LRRC4C: variants seen among roughly 807,000 people sequenced by gnomAD.
LRRC4C encodes leucine rich repeat containing 4C, also known as leucine-rich repeat-containing protein 4C.
Under a neutral mutation model 33.6 loss-of-function variants are expected in LRRC4C, and 5 were observed. The ratio of observed to expected loss-of-function variants is 0.15; its 90% CI spans 0.08 to 0.31. The LOEUF is 0.31. LRRC4C is among the 10% of genes least tolerant of loss of function. LRRC4C has a pLI of 1.00. For synonymous variants in LRRC4C, 329 were observed against 302.0 expected, an observed-to-expected ratio of 1.09 and a Z score of -0.93; for missense variants, 560 against 796.7, an observed-to-expected ratio of 0.70 and a Z score of 3.58.
At chr11:40,256,629 A>G (rs531592868) in intron 4 of LRRC4C, among the ~76,000 whole-genome samples, 10 of 152,184 alleles carry the variant, frequency 6.6e-5, no homozygotes, top group Admixed American at 2.0e-4. Flanking sequence ...TCAACTAACT[A>G]TATAACCACA....
intron 1 of LRRC4C, among the ~76,000 whole-genome samples, chr11:41,063,486 G>T (rs1937955621): frequency 6.6e-6 from 1 of 152,108 alleles, no homozygotes; most frequent in Non-Finnish European, 1.5e-5. Context: ...CCCAGAGAAG[G>T]CACTATAGAT....
intron 2 of LRRC4C, among the ~76,000 whole-genome samples, chr11:40,758,487 C>A (rs187702678): frequency 2.4e-4 from 37 of 151,980 alleles, no homozygotes; most frequent in African/African-American, 8.0e-4. Context: ...AATTAAGGGC[C>A]AAAGGAGCTC....
At chr11:40,431,534 A>C (rs888465858) in intron 3 of LRRC4C, among the ~76,000 whole-genome samples, 2 of 151,734 alleles carry the variant, frequency 1.3e-5, no homozygotes, top group East Asian at 3.9e-4. Context: ...TCCCATGCCT[A>C]CCACCTCTGT....
intron 3 of LRRC4C, among the ~76,000 whole-genome samples, chr11:40,604,159 A>G (rs1253437429): frequency 6.6e-6 from 1 of 152,156 alleles, no homozygotes; most frequent in Non-Finnish European, 1.5e-5. Flanking sequence ...TTGCAGACAT[A>G]TATATAAATT....
At chr11:40,677,325 G>T (rs1443900687) in intron 2 of LRRC4C, among the ~76,000 whole-genome samples, 10 of 152,134 alleles carry the variant, frequency 6.6e-5, no homozygotes, top group Non-Finnish European at 1.2e-4. Flanking sequence ...GGCGGAGGTT[G>T]CAGTGACCCA....
At chr11:40,600,811 A>G (rs1488175569) in intron 3 of LRRC4C, among the ~76,000 whole-genome samples, 19 of 152,220 alleles carry the variant, frequency 1.2e-4, no homozygotes, top group Admixed American at 1.2e-3. Context: ...GGTATATTCA[A>G]TGCATGGCAC....
At chr11:40,650,700 T>G (rs1224870891) in intron 2 of LRRC4C, among the ~76,000 whole-genome samples, 1 of 152,224 alleles carries the variant, frequency 6.6e-6, no homozygotes, top group East Asian at 1.9e-4. Context: ...CAGTACTCTT[T>G]TAACTAAGTT....
chr11:40,139,548 C>T (rs979349566), intron 6 of LRRC4C, among the ~76,000 whole-genome samples: 24 of 152,038 alleles, frequency 1.6e-4, no homozygotes, highest in Admixed American at 6.6e-4. Flanking sequence ...TTCCTTCAGG[C>T]GAACCCCAAA....
At chr11:41,173,381 C>A (rs1355038087) in intron 1 of LRRC4C, among the ~76,000 whole-genome samples, 3 of 152,098 alleles carry the variant, frequency 2.0e-5, no homozygotes, top group East Asian at 3.9e-4. Context: ...TAAAGCCAAC[C>A]TGAAATTCTA....
chr11:40,300,086 T>C (rs1220483978), intron 4 of LRRC4C, among the ~76,000 whole-genome samples: 2 of 152,064 alleles, frequency 1.3e-5, no homozygotes, highest in African/African-American at 4.8e-5. Flanking sequence ...TGTGCGAGCA[T>C]GGTGGGAGCA....
chr11:40,335,219 C>A (rs1006186983), intron 3 of LRRC4C, among the ~76,000 whole-genome samples: 12 of 152,210 alleles, frequency 7.9e-5, no homozygotes, highest in African/African-American at 2.4e-4. Context: ...CAACCTGTGT[C>A]TGTTCTAGAT....
At chr11:40,704,060 CA>C (rs1281468231) in intron 2 of LRRC4C, among the ~76,000 whole-genome samples, 1 of 151,842 alleles carries the variant, frequency 6.6e-6, no homozygotes, top group Non-Finnish European at 1.5e-5. Flanking sequence ...TGGAGGACAG[CA>C]AAATGTAACA....
intron 5 of LRRC4C, among the ~76,000 whole-genome samples, chr11:40,203,144 C>G (rs565631672): frequency 6.6e-6 from 1 of 152,218 alleles, no homozygotes; most frequent in East Asian, 1.9e-4. Flanking sequence ...TCAATCATCC[C>G]TTTGTTACTG....
intron 5 of LRRC4C, among the ~76,000 whole-genome samples, chr11:40,214,061 C>A (rs1454070401): frequency 6.6e-6 from 1 of 152,186 alleles, no homozygotes; most frequent in African/African-American, 2.4e-5. Context: ...ATGCTGTGGA[C>A]TAAATTGTGT....
intron 1 of LRRC4C, among the ~76,000 whole-genome samples, chr11:41,455,819 G>A (rs1239850862): frequency 1.3e-5 from 2 of 152,098 alleles, no homozygotes; most frequent in Admixed American, 6.6e-5. Context: ...CCAAGACTTT[G>A]AATGACCTAC....
rs543547261 is a variant in LRRC4C at position 40,664,580 on chromosome 11, A to C, written c.-406-16302T>G. Among the ~76,000 whole-genome samples the C allele has an allele frequency of 7.2e-5, 11 of 152,176 alleles. No individual in the cohort carries two copies. In the East Asian group the frequency reaches 2.1e-3, roughly 29 times the overall value. On this transcript the variant is annotated intron_variant, in intron 2 of 6. Transcript: ENST00000528697. ...GTGAGAACAAATTAGAAAAGTTTGT[A>C]ATGGATGCAGAAATTAAAGAAAACA... is the stretch of plus-strand genomic sequence containing the variant.
intron 2 of LRRC4C, among the ~76,000 whole-genome samples, chr11:40,737,148 G>T (rs973959580): frequency 6.6e-6 from 1 of 151,940 alleles, no homozygotes; most frequent in African/African-American, 2.4e-5. Flanking sequence ...ATGCCGAAAA[G>T]GCCTTCAATA....
intron 6 of LRRC4C, among the ~76,000 whole-genome samples, chr11:40,126,865 C>G (rs1322492485): frequency 1.3e-5 from 2 of 151,756 alleles, no homozygotes; most frequent in Non-Finnish European, 2.9e-5. Flanking sequence ...GAGGCTGAGG[C>G]AGGAGAATAG....
intron 1 of LRRC4C, among the ~76,000 whole-genome samples, chr11:41,032,278 G>A (rs1856771737): frequency 6.6e-6 from 1 of 151,980 alleles, no homozygotes; most frequent in Admixed American, 6.6e-5. Flanking sequence ...GAATCTTTAG[G>A]TTGAGATCAT....
Sources: allele counts gnomAD v4.1 joint callset (sites outside exome capture counted in the v4.1 genomes callset), GRCh38; gene constraint gnomAD v4.1.1; transcripts MANE v1.5; gene names NCBI Gene and HGNC (gene_info 2026-07-23, HGNC 2026-07-21).